MDN1: variants seen among roughly 807,000 people sequenced by gnomAD.
MDN1 encodes the protein midasin.
Under a neutral mutation model 669.2 loss-of-function variants are expected in MDN1, and 266 were observed. That is an observed-to-expected ratio of 0.40 (90% CI 0.36 to 0.44). The LOEUF is 0.44. Ranked by LOEUF, MDN1 falls within the 20% of genes least tolerant of loss-of-function variation. The pLI is 1.00. For missense variants in MDN1, 5,940 were observed against 6,754.0 expected, an observed-to-expected ratio of 0.88 and a Z score of 4.22; for synonymous variants, 2,385 against 2,457.1, an observed-to-expected ratio of 0.97 and a Z score of 0.87.
At chr6:89,674,630 C>G (rs1326590753) in intron 78 of MDN1, 41 bp from the exon 79 acceptor site, 1 of 1,498,826 alleles carries the variant, frequency 6.7e-7, no homozygotes, top group Admixed American at 2.3e-5. Flanking sequence ...ATGAATGGCA[C>G]CTTAAACCAC....
intron 65 of MDN1, among the ~76,000 whole-genome samples, chr6:89,689,033 G>A (rs1422415288): frequency 5.3e-5 from 8 of 152,192 alleles, no homozygotes; most frequent in Non-Finnish European, 1.2e-4. Context: ...AGCCAGACAT[G>A]CATGTGCCTG....
At position 89,788,185 on chromosome 6, in the gene MDN1, C is replaced by G. The variant is rs547960521; in HGVS notation, c.1231-228G>C. On this transcript the variant is annotated intron_variant, in intron 7 of 101. Coordinates refer to ENST00000369393, the MANE Select transcript of MDN1 (RefSeq NM_014611.3). ...GTGCCTCCTGTGGATCACAACCAAG[C>G]AAGACACAAGAATACAGACAGGACC... Among the ~76,000 whole-genome samples, 7 of 152,200 alleles carry G rather than the reference C, an allele frequency of 4.6e-5. No individual in the cohort carries two copies. In the South Asian group the frequency reaches 1.2e-3, roughly 27 times the overall value.
intron 93 of MDN1, among the ~76,000 whole-genome samples, chr6:89,653,494 C>G (rs1004768641): frequency 1.3e-5 from 2 of 152,202 alleles, no homozygotes; most frequent in African/African-American, 4.8e-5. Context: ...CTAAAAGCCA[C>G]AATTCCATTT....
chr6:89,694,149 T>A lies in MDN1; in HGVS notation c.9806A>T (p.Asn3269Ile). 1 of 1,614,172 alleles carries A rather than the reference T, an allele frequency of 6.2e-7. No individual in the cohort carries two copies. The stretch of plus-strand genomic sequence containing the variant: ...TCCAGTCTGCAGCTGGGATGACAGG[T>A]TCCGGGTCTTCCATTCACACTGCAG... ...HQLQCEWKTR[N>I]LSSQLQTGRD... The change falls in exon 62 of 102, where the codon AAC becomes ATC. Residue 3269 changes from asparagine (N) to isoleucine (I), a missense_variant. By Grantham distance (149) the Asn-to-Ile change is moderately radical. Around this residue, in one of 5 missense-constraint regions of MDN1, gnomAD observed 2,292 missense variants for 2,638.3 expected, o/e 0.87. Transcript: ENST00000369393.
In MDN1 at chr6:89,642,626, CT is replaced by C. The variant is rs763404731; in HGVS notation, c.*1378del. 6.6e-6 allele frequency: 1 copy of C among 152,168 alleles called. No individual in the cohort carries two copies. The highest frequency in any genetic ancestry group is 2.4e-5 in the African/African-American group (1 of 41,424). The allele number at this position is 152,168 out of a possible 1,614,324, so 9.4% of individuals were successfully genotyped here. On this transcript the variant is annotated 3_prime_UTR_variant, in exon 102 of 102. Coordinates refer to ENST00000369393, the MANE Select transcript of MDN1 (RefSeq NM_014611.3). The stretch of plus-strand genomic sequence containing the variant: ...CATGGACATAAATGCAAATGATAAC[CT>C]TTGTAGTAAGAGCAACATGGAAGTA...
chr6:89,655,758 C>T lies in MDN1; in HGVS notation c.15490+6G>A. 6.3e-7 allele frequency: 1 copy of T among 1,593,998 alleles called. No homozygotes were observed. The highest frequency in any genetic ancestry group is 8.5e-7 in the Non-Finnish European group (1 of 1,169,824). On this transcript the variant is annotated splice_donor_region_variant and intron_variant, in intron 92 of 101. Coordinates refer to ENST00000369393, the MANE Select transcript of MDN1 (RefSeq NM_014611.3). ...GGCAAAGGCAGCAGCTTTCCCAGGA[C>T]CGTACCATAGGTCTGTGCATCGTAT...
At chr6:89,680,799 G>A (rs1415047743) in intron 73 of MDN1, 48 bp from the exon 74 acceptor site, 5 of 1,592,030 alleles carry the variant, frequency 3.1e-6, no homozygotes, top group Non-Finnish European at 3.4e-6. Flanking sequence ...ATGACAGGCA[G>A]TGTCCCTGCA....
chr6:89,750,677 A>C, intron 23 of MDN1, 145 bp from the exon 24 acceptor site: 2 of 782,376 alleles, frequency 2.6e-6, no homozygotes, highest in Non-Finnish European at 4.1e-6. Flanking sequence ...ATCATAGCTC[A>C]CTGCAGCCTC....
chr6:89,673,389 A>C lies in MDN1; in HGVS notation c.13321T>G (p.Ser4441Ala). The C allele has an allele frequency of 6.2e-7, 1 of 1,614,024 alleles. No homozygotes were observed. Among genetic ancestry groups the C allele is most frequent in the Non-Finnish European group, 8.5e-7 (1 of 1,179,988 alleles). ...QVSVHLQGLE[S>A]LFILPGMEVE... The stretch of plus-strand genomic sequence containing the variant: ...TCCATCCCTGGAAGAATGAACAAGG[A>C]CTCTAGGCCCTGCAAATGAACTGAC... Residue 4441 changes from serine (S) to alanine (A), a missense_variant, in exon 80 of 102, where the codon TCC (serine) becomes GCC (alanine). Physicochemically the swap from Ser to Ala is moderately conservative, Grantham distance 99. This residue lies in a region of MDN1 where 2,280 missense variants were observed against 2,576.3 expected (regional missense o/e 0.88). Transcript: ENST00000369393.
intron 63 of MDN1, among the ~76,000 whole-genome samples, chr6:89,692,033 G>A (rs1240063271): frequency 6.6e-6 from 1 of 152,168 alleles, no homozygotes; most frequent in Non-Finnish European, 1.5e-5. Context: ...TATGTTAGCA[G>A]CGTTTATACA....
chr6:89,732,707 A>G lies in MDN1; in HGVS notation c.4792T>C (p.Cys1598Arg). ...WLTHQEFGRK[C>R]VVSIRDILSW... ...AGGATATCTCTGATACTGACCACACACTTTCTGCCAAACTCTTGGTGGGTC... is the reference window on the plus strand; with the variant it reads ...AGGATATCTCTGATACTGACCACACGCTTTCTGCCAAACTCTTGGTGGGTC... The change falls in exon 34 of 102, where the codon TGT becomes CGT. Residue 1598 changes from cysteine (C) to arginine (R), a missense_variant. Physicochemically the swap from Cys to Arg is radical, Grantham distance 180. Coordinates refer to ENST00000369393, the MANE Select transcript of MDN1 (RefSeq NM_014611.3). 6.2e-7 allele frequency: 1 copy of G among 1,613,156 alleles called. No individual in the cohort carries two copies. Among genetic ancestry groups the G allele is most frequent in the Non-Finnish European group, 8.5e-7 (1 of 1,179,752 alleles).
chr6:89,664,077 G>GA (rs1810011665), intron 85 of MDN1, among the ~76,000 whole-genome samples: 1 of 152,188 alleles, frequency 6.6e-6, no homozygotes, highest in Admixed American at 6.5e-5. Context: ...CCTGAGGGGG[G>GA]ATCTATTTCT....
chr6:89,797,269 C>G (rs1321285269), intron 2 of MDN1, among the ~76,000 whole-genome samples: 2 of 149,018 alleles, frequency 1.3e-5, no homozygotes, highest in African/African-American at 5.0e-5. Flanking sequence ...ACCCAGAAGG[C>G]TGAGGCAGGA....
intron 2 of MDN1, among the ~76,000 whole-genome samples, chr6:89,796,634 G>T (rs1819624812): frequency 6.6e-6 from 1 of 152,174 alleles, no homozygotes; most frequent in Admixed American, 6.5e-5. Context: ...GCTGATAATG[G>T]CGAGGCTATG....
At chr6:89,732,464 A>T in intron 34 of MDN1, 93 bp downstream of exon 34, 1 of 1,037,472 alleles carries the variant, frequency 9.6e-7, no homozygotes, top group Non-Finnish European at 1.4e-6. Flanking sequence ...GAAGTGATTC[A>T]GTAAAATAGC....
intron 2 of MDN1, among the ~76,000 whole-genome samples, chr6:89,796,386 G>C (rs1207424186): frequency 1.2e-5 from 1 of 85,118 alleles, no homozygotes; most frequent in Admixed American, 1.1e-4. Context: ...ACATTATAAA[G>C]AAATGGAAAA....
At position 89,680,529 on chromosome 6, in the gene MDN1, C is replaced by G. The variant is rs1486529518; in HGVS notation, c.12265+60G>C. The G allele has an allele frequency of 3.8e-6, 6 of 1,571,616 alleles. No homozygotes were observed. In the Admixed American group the frequency reaches 1.1e-4, roughly 29 times the overall value. On this transcript the variant is annotated intron_variant, in intron 74 of 101. Coordinates refer to ENST00000369393, the MANE Select transcript of MDN1 (RefSeq NM_014611.3). Reference sequence around the variant, plus strand: ...AGGACACAGTTGCCACATTCTCAGCCCTCCTGCGCCACTGGGGAAAACAGA... The same window carrying G: ...AGGACACAGTTGCCACATTCTCAGCGCTCCTGCGCCACTGGGGAAAACAGA...
intron 32 of MDN1, among the ~76,000 whole-genome samples, chr6:89,739,657 G>GT (rs1288376610): frequency 3.3e-5 from 5 of 152,220 alleles, no homozygotes; most frequent in African/African-American, 9.6e-5. Context: ...AACCAACAAG[G>GT]TTGTTGGTTC....
intron 12 of MDN1, 22 bp from the exon 13 acceptor site, chr6:89,774,755 C>G: frequency 4.6e-6 from 7 of 1,536,218 alleles, no homozygotes; most frequent in Non-Finnish European, 6.3e-6. Flanking sequence ...AAGATTTTAC[C>G]TGAGTAAAAA....
Sources: allele counts gnomAD v4.1 joint callset (sites outside exome capture counted in the v4.1 genomes callset), GRCh38; gene constraint gnomAD v4.1.1; regional missense constraint gnomAD v4.1.1; transcripts MANE v1.5; gene names NCBI Gene and HGNC (gene_info 2026-07-23, HGNC 2026-07-21).